CDC6: variants seen among roughly 807,000 people sequenced by gnomAD.
CDC6 encodes the protein cell division cycle 6.
CDC6 carries 46 observed loss-of-function variants against 60.2 expected under a neutral mutation model. The ratio of observed to expected loss-of-function variants is 0.76; its 90% CI spans 0.60 to 0.98. CDC6 has a LOEUF of 0.98. CDC6 is among the 50% of genes least tolerant of loss of function. The pLI is 0.00. For synonymous variants in CDC6, 210 were observed against 233.2 expected, an observed-to-expected ratio of 0.90 and a Z score of 0.90; for missense variants, 596 against 652.9, an observed-to-expected ratio of 0.91 and a Z score of 0.95.
intron 2 of CDC6, 39 bp downstream of exon 2, chr17:40,289,637 G>A (rs769541687): frequency 7.8e-6 from 12 of 1,540,374 alleles, no homozygotes; most frequent in East Asian, 2.3e-5. Context: ...CTAGCAGCTC[G>A]TGACCTTTCT....
Position 40,296,759 on chromosome 17 carries a change from T to C in CDC6, c.1241T>C (p.Leu414Pro), listed in dbSNP as rs773594569. ...DVKSQTILKP[L>P]SECKSPSEPL... Reference sequence around the variant, plus strand: ...AAAAGCCAGACTATTCTCAAACCACTGTCTGAATGTAAGTAGTTTATCTCC... The same window carrying C: ...AAAAGCCAGACTATTCTCAAACCACCGTCTGAATGTAAGTAGTTTATCTCC... The change falls in exon 9 of 12, where the codon CTG becomes CCG. Residue 414 changes from leucine (L) to proline (P), a missense_variant. Coordinates refer to ENST00000209728, the MANE Select transcript of CDC6 (RefSeq NM_001254.4). The C allele has an allele frequency of 6.3e-7, 1 of 1,593,260 alleles. No individual in the cohort carries two copies. Among genetic ancestry groups the C allele is most frequent in the Non-Finnish European group, 8.6e-7 (1 of 1,161,004 alleles).
rs1055802219 is a variant in CDC6, at chr17:40,302,050, G to A, written c.*49G>A. 1 of 1,064,334 alleles carries A rather than the reference G, an allele frequency of 9.4e-7. No individual in the cohort carries two copies. The highest frequency in any genetic ancestry group is 1.5e-6 in the Non-Finnish European group (1 of 677,676). 65.9% of individuals were successfully genotyped at this position (1,064,334 alleles called of 1,614,324 possible). On this transcript the variant is annotated 3_prime_UTR_variant, in exon 12 of 12. Transcript: ENST00000209728. Reference sequence around the variant, plus strand: ...AAAGTATTCAGCTGGCATTTAGAGAGCTACAGTCTTCATTTTAGTGCTTTA... The same window carrying A: ...AAAGTATTCAGCTGGCATTTAGAGAACTACAGTCTTCATTTTAGTGCTTTA...
chr17:40,296,597 G>A, intron 8 of CDC6, 106 bp from the exon 9 acceptor site: 1 of 723,876 alleles, frequency 1.4e-6, no homozygotes, highest in Admixed American at 2.0e-5. Flanking sequence ...ATTGTTCATA[G>A]TTGCAGTCTT....
At position 40,302,361 on chromosome 17, in the gene CDC6, T is replaced by G. The variant is rs947348841; in HGVS notation, c.*360T>G. On this transcript the variant is annotated 3_prime_UTR_variant, in exon 12 of 12. Coordinates refer to ENST00000209728, the MANE Select transcript of CDC6 (RefSeq NM_001254.4). ...GTATTTTTTTGTTTGTTTTTTTTGTTGTTGTTGTTTTTGAGGCGCGTCTCA... is the reference window on the plus strand; with the variant it reads ...GTATTTTTTTGTTTGTTTTTTTTGTGGTTGTTGTTTTTGAGGCGCGTCTCA... 4 of 265,126 alleles carry G rather than the reference T, an allele frequency of 1.5e-5. No homozygotes were observed. The highest frequency in any genetic ancestry group is 4.6e-5 in the African/African-American group (2 of 43,788). The allele number at this position is 265,126 out of a possible 1,614,324, so 16.4% of individuals were successfully genotyped here. A position where few individuals can be genotyped will look rare whatever the true frequency, so the allele number is the denominator to read the frequency against.
Position 40,303,945 on chromosome 17 carries a change from C to A in CDC6, c.*1944C>A, listed in dbSNP as rs1260512758. 1 of 152,246 alleles carries A rather than the reference C, an allele frequency of 6.6e-6. No individual in the cohort carries two copies. The highest frequency in any genetic ancestry group is 1.5e-5 in the Non-Finnish European group (1 of 68,054). The allele number at this position is 152,246 out of a possible 1,614,324, so 9.4% of individuals were successfully genotyped here. A position where few individuals can be genotyped will look rare whatever the true frequency, so the allele number is the denominator to read the frequency against. The stretch of plus-strand genomic sequence containing the variant: ...CCAATAAGGAGCAGCCTCCCCACCT[C>A]ATTGTGTTTGAGGCTTGGCGCCTTC... On this transcript the variant is annotated 3_prime_UTR_variant, in exon 12 of 12. Coordinates refer to ENST00000209728, the MANE Select transcript of CDC6 (RefSeq NM_001254.4).
rs544388419 is a variant in CDC6, at chr17:40,290,758, G to A, written c.179-300G>A. 2.0e-5 allele frequency among the ~76,000 whole-genome samples: 3 copies of A among 152,206 alleles called. No individual in the cohort carries two copies. In the South Asian group the frequency reaches 6.2e-4, roughly 32 times the overall value. On this transcript the variant is annotated intron_variant, in intron 2 of 11. Coordinates refer to ENST00000209728, the MANE Select transcript of CDC6 (RefSeq NM_001254.4). ...TTCATGTCTTGGGTAGGATGGTGCG[G>A]GATTTCATCATGGCACTCCACAGCA...
intron 9 of CDC6, 80 bp downstream of exon 9, chr17:40,296,847 T>C: frequency 1.0e-6 from 1 of 956,208 alleles, no homozygotes; most frequent in South Asian, 1.3e-5. Flanking sequence ...AAAGATGAAA[T>C]GAACATAGTT....
chr17:40,293,528 G>C lies in CDC6; in HGVS notation c.733G>C (p.Ala245Pro), dbSNP rs771793749. 3 of 1,613,772 alleles carry C rather than the reference G, an allele frequency of 1.9e-6. No homozygotes were observed. The Admixed American group carries it at 5.0e-5, about 27-fold the overall frequency. ...GAGGACTGCCCAGGCTGTATTCCCA[G>C]CTATTGCTCAGGAGATTTGTCAGGA... Reference protein sequence around the residue: ...SLRTAQAVFPAIAQEICQEEV... With the variant: ...SLRTAQAVFPPIAQEICQEEV... The change falls in exon 5 of 12, where the codon GCT becomes CCT. Residue 245 changes from alanine (A) to proline (P), a missense_variant. Ala to Pro is a conservative substitution (Grantham distance 27, BLOSUM62 -1). Coordinates refer to ENST00000209728, the MANE Select transcript of CDC6 (RefSeq NM_001254.4).
rs746579894 is a variant in CDC6, at chr17:40,289,526, C to G, written c.106C>G (p.Pro36Ala). The G allele has an allele frequency of 1.2e-6, 2 of 1,614,030 alleles. No individual in the cohort carries two copies. The highest frequency in any genetic ancestry group is 1.7e-6 in the Non-Finnish European group (2 of 1,179,982). ...AKNSSDAKLEPTNVQTVTCSP... is the reference protein window; with the variant it reads ...AKNSSDAKLEATNVQTVTCSP... ...AAACTCCAGTGATGCCAAACTAGAA[C>G]CAACAAATGTCCAAACCGTAACCTG... Residue 36 changes from proline (P) to alanine (A), a missense_variant, in exon 2 of 12, where the codon CCA becomes GCA. Pro to Ala is a conservative substitution (Grantham distance 27, BLOSUM62 -1). Coordinates refer to ENST00000209728, the MANE Select transcript of CDC6 (RefSeq NM_001254.4).
At chr17:40,295,302 T>A in intron 7 of CDC6, 54 bp from the exon 8 acceptor site, 1 of 1,174,922 alleles carries the variant, frequency 8.5e-7, no homozygotes, top group Non-Finnish European at 1.3e-6. Context: ...GGACCTAAAT[T>A]ACAGAGGGAG....
chr17:40,289,703 C>CTTTTTT (rs34020648), intron 2 of CDC6, 105 bp downstream of exon 2: 24 of 333,808 alleles, frequency 7.2e-5, no homozygotes, highest in African/African-American at 2.1e-4. Context: ...GTTAAGACTT[C>CTTTTTT]TTTTTTTTTT....
chr17:40,289,808 A>G (rs555872275), intron 2 of CDC6, among the ~76,000 whole-genome samples: 131 of 147,172 alleles, frequency 8.9e-4, no homozygotes, highest in Non-Finnish European at 1.6e-3. Flanking sequence ...TCCTGGGTTC[A>G]AGCGATTCTC....
chr17:40,289,981 TC>T (rs1233050821), intron 2 of CDC6, among the ~76,000 whole-genome samples: 25 of 151,126 alleles, frequency 1.7e-4, no homozygotes, highest in African/African-American at 6.1e-4. Flanking sequence ...TGCCTCGGCC[TC>T]CCAAAGTGCT....
At chr17:40,290,893 G>C (rs775581829) in intron 2 of CDC6, among the ~76,000 whole-genome samples, 165 bp from the exon 3 acceptor site, 5 of 152,186 alleles carry the variant, frequency 3.3e-5, no homozygotes, top group Non-Finnish European at 7.3e-5. Flanking sequence ...AAGATCAGTG[G>C]TGCCATCTGG....
chr17:40,293,036 C>G (rs1018151510), intron 4 of CDC6, among the ~76,000 whole-genome samples: 1 of 151,806 alleles, frequency 6.6e-6, no homozygotes, highest in Non-Finnish European at 1.5e-5. Flanking sequence ...GTCAGGAGTT[C>G]AAGACCAGCC....
chr17:40,296,690 A>G lies in CDC6; in HGVS notation c.1185-13A>G, dbSNP rs756163545. On this transcript the variant is annotated splice_polypyrimidine_tract_variant and intron_variant, in intron 8 of 11. Coordinates refer to ENST00000209728, the MANE Select transcript of CDC6 (RefSeq NM_001254.4). ...GGCTCAGACTAAATTAATTTTAGAA[A>G]TTTTTTTTATAGGAGAGCTATTGAA... 8 of 1,550,794 alleles carry G rather than the reference A, an allele frequency of 5.2e-6. No individual in the cohort carries two copies. The highest frequency in any genetic ancestry group is 1.1e-5 in the South Asian group (1 of 89,646).
At position 40,301,024 on chromosome 17, in the gene CDC6, G is replaced by C. The variant is rs1472433745; in HGVS notation, c.1446G>C (p.Leu482=). ...AGTTGAAAATCAAAGAGGTCACTCT[G>C]GGGAAGGTAAGTTGGGATGGAGCAG... The part of the protein sequence containing the change: ...IRQLKIKEVT[L]GKLYEAYSKV... The change falls in exon 10 of 12, where the codon CTG becomes CTC. Residue 482 remains leucine, a synonymous_variant. Transcript: ENST00000209728. 6.2e-7 allele frequency: 1 copy of C among 1,611,204 alleles called. No individual in the cohort carries two copies. Among genetic ancestry groups the C allele is most frequent in the African/African-American group, 1.3e-5 (1 of 74,846 alleles).
intron 5 of CDC6, 150 bp downstream of exon 5, chr17:40,293,781 G>C (rs987533588): frequency 1.1e-6 from 1 of 889,500 alleles, no homozygotes; most frequent in African/African-American, 1.7e-5. Context: ...TTTTAAATTG[G>C]ATTACTTATA....
At chr17:40,293,209 A>G (rs2032795124) in intron 4 of CDC6, among the ~76,000 whole-genome samples, 1 of 152,204 alleles carries the variant, frequency 6.6e-6, no homozygotes, top group Admixed American at 6.5e-5. Flanking sequence ...ATTGCATTTC[A>G]GCCTGGGCAA....
Sources: allele counts gnomAD v4.1 joint callset (sites outside exome capture counted in the v4.1 genomes callset), GRCh38; gene constraint gnomAD v4.1.1; transcripts MANE v1.5; gene names NCBI Gene and HGNC (gene_info 2026-07-23, HGNC 2026-07-21).